Variants in CLEC19A observed in about 807,000 individuals in gnomAD.
CLEC19A encodes the protein C-type lectin domain containing 19A, also known as C-type lectin domain family 19 member A.
Under a neutral mutation model 26.1 loss-of-function variants are expected in CLEC19A, and 21 were observed. The ratio of observed to expected loss-of-function variants is 0.80; its 90% CI spans 0.57 to 1.16. The LOEUF (loss-of-function observed/expected upper bound fraction) is 1.16, where lower values mean the gene tolerates loss of function less well. Among genes scored for constraint, CLEC19A ranks in the 50% most tolerant of loss-of-function variants. The pLI, the probability that CLEC19A is intolerant of heterozygous loss-of-function variation, is 0.00. For synonymous variants in CLEC19A, 89 were observed against 88.6 expected, an observed-to-expected ratio of 1.00 and a Z score of -0.03; for missense variants, 224 against 227.6, an observed-to-expected ratio of 0.98 and a Z score of 0.10.
chr16:19,295,216 G>GTTT (rs1464140589), intron 1 of CLEC19A, among the ~76,000 whole-genome samples: 1 of 152,026 alleles, frequency 6.6e-6, no homozygotes, highest in Non-Finnish European at 1.5e-5. Flanking sequence ...TGTTGTTGTT[G>GTTT]TTGTTTTGAG....
In CLEC19A at chr16:19,309,922, G is replaced by A. The variant is rs1359813306; in HGVS notation, c.*839G>A. The A allele has an allele frequency of 6.6e-6, 1 of 152,058 alleles. No homozygotes were observed. Among genetic ancestry groups the A allele is most frequent in the East Asian group, 1.9e-4 (1 of 5,166 alleles). The allele number at this position is 152,058 out of a possible 1,614,324, so 9.4% of individuals were successfully genotyped here. ...GCCTCCCAAAGTACTGGGATTACAG[G>A]CATGAGCCACTGCGCCTAGCCAAGA... is the stretch of plus-strand genomic sequence containing the variant. On this transcript the variant is annotated 3_prime_UTR_variant, in exon 5 of 5. Transcript: ENST00000636231.
At chr16:19,301,772 T>C (rs1260307018) in intron 2 of CLEC19A, among the ~76,000 whole-genome samples, 1 of 138,766 alleles carries the variant, frequency 7.2e-6, no homozygotes, top group African/African-American at 2.7e-5. Context: ...TTTGTATTTT[T>C]AGCAGAGACG....
rs115518912 is a variant in CLEC19A, at chr16:19,285,951, G to A, written c.88+12G>A. ...CAGTATCAGTCCAGGTAAGTGCAGG[G>A]ACCAGGGCTGGGAGCAGGTGGAGAG... On this transcript the variant is annotated intron_variant, in intron 1 of 4. Coordinates refer to ENST00000636231, the MANE Select transcript of CLEC19A (RefSeq NM_001256720.2). 3,154 of 1,549,786 alleles carry A rather than the reference G, an allele frequency of 2.0e-3. 55 individuals carry two copies. The African/African-American group carries it at 0.037, about 18-fold the overall frequency.
At chr16:19,302,170 C>T (rs1032016454) in intron 2 of CLEC19A, among the ~76,000 whole-genome samples, 1 of 152,048 alleles carries the variant, frequency 6.6e-6, no homozygotes, top group African/African-American at 2.4e-5. Context: ...TCTGCAGTGA[C>T]TGGCTGGAGC....
At chr16:19,286,685 T>C (rs2143008144) in intron 1 of CLEC19A, among the ~76,000 whole-genome samples, 1 of 152,364 alleles carries the variant, frequency 6.6e-6, no homozygotes, top group East Asian at 1.9e-4. Flanking sequence ...GAGTCTTGAC[T>C]GTCACCTCTA....
At chr16:19,296,440 C>T (rs748103338) in intron 1 of CLEC19A, among the ~76,000 whole-genome samples, 2 of 152,208 alleles carry the variant, frequency 1.3e-5, no homozygotes, top group Admixed American at 6.5e-5. Flanking sequence ...CATTAATAGC[C>T]GTACATTACA....
Position 19,298,878 on chromosome 16 carries a change from C to A in CLEC19A, c.254+40C>A, listed in dbSNP as rs1356086368. 6 of 1,512,274 alleles carry A rather than the reference C, an allele frequency of 4.0e-6. No individual in the cohort carries two copies. The South Asian group carries it at 6.3e-5, about 16-fold the overall frequency. 93.7% of individuals were successfully genotyped at this position (1,512,274 alleles called of 1,614,324 possible). On this transcript the variant is annotated intron_variant, in intron 2 of 4. Transcript: ENST00000636231. ...CAGTGCCCCATAGTTCAACTAAGCA[C>A]CCCCTTGGGAAATGGGGTGGAGAAT...
intron 4 of CLEC19A, 87 bp downstream of exon 4, chr16:19,307,764 G>GGAGC: frequency 6.6e-7 from 1 of 1,505,274 alleles, no homozygotes; most frequent in East Asian, 2.5e-5. Context: ...TGGGGGAAGA[G>GGAGC]GAGCACCTGA....
At chr16:19,292,488 C>G (rs1172123938) in intron 1 of CLEC19A, among the ~76,000 whole-genome samples, 1 of 152,200 alleles carries the variant, frequency 6.6e-6, no homozygotes, top group Non-Finnish European at 1.5e-5. Context: ...AGCCTTCTCA[C>G]CATTTTCCCA....
intron 3 of CLEC19A, among the ~76,000 whole-genome samples, chr16:19,306,223 G>A (rs1291563409): frequency 2.7e-5 from 4 of 149,638 alleles, no homozygotes; most frequent in South Asian, 2.1e-4. Flanking sequence ...ACAGCTCACC[G>A]CAACCTTGAA....
chr16:19,286,773 T>A (rs1179062270), intron 1 of CLEC19A, among the ~76,000 whole-genome samples: 3 of 152,110 alleles, frequency 2.0e-5, no homozygotes, highest in Non-Finnish European at 4.4e-5. Context: ...CATTTTTAAA[T>A]CCCCGTTCAA....
intron 2 of CLEC19A, among the ~76,000 whole-genome samples, chr16:19,300,114 C>T (rs954736030): frequency 6.6e-6 from 1 of 152,010 alleles, no homozygotes; most frequent in Non-Finnish European, 1.5e-5. Flanking sequence ...ATCCCAGCTA[C>T]TCGGGAGGCT....
chr16:19,288,909 C>T (rs1897526023), intron 1 of CLEC19A, among the ~76,000 whole-genome samples: 1 of 152,178 alleles, frequency 6.6e-6, no homozygotes, highest in African/African-American at 2.4e-5. Flanking sequence ...CTTCCTCACC[C>T]ATCCAAGAGC....
At chr16:19,296,542 C>A (rs1417995594) in intron 1 of CLEC19A, among the ~76,000 whole-genome samples, 1 of 152,136 alleles carries the variant, frequency 6.6e-6, no homozygotes, top group African/African-American at 2.4e-5. Flanking sequence ...AGACTGTGAA[C>A]TATTCTTAGA....
At chr16:19,302,629 G>T (rs1441858944) in intron 2 of CLEC19A, among the ~76,000 whole-genome samples, 1 of 152,178 alleles carries the variant, frequency 6.6e-6, no homozygotes, top group Admixed American at 6.5e-5. Context: ...GCCAATAGTG[G>T]GAATCATTTT....
At chr16:19,296,422 G>A (rs1456124897) in intron 1 of CLEC19A, among the ~76,000 whole-genome samples, 1 of 152,118 alleles carries the variant, frequency 6.6e-6, no homozygotes, top group East Asian at 1.9e-4. Flanking sequence ...ATAAAACCCT[G>A]AGCTAATCAT....
At chr16:19,293,356 A>G (rs376570037) in intron 1 of CLEC19A, among the ~76,000 whole-genome samples, 21 of 152,146 alleles carry the variant, frequency 1.4e-4, no homozygotes, top group Non-Finnish European at 2.6e-4. Flanking sequence ...TGTTGTAGCC[A>G]TGTTCATTTC....
intron 1 of CLEC19A, 145 bp downstream of exon 1, chr16:19,286,084 G>A (rs113423196): frequency 1.3e-6 from 1 of 751,082 alleles, no homozygotes; most frequent in Non-Finnish European, 2.2e-6. Context: ...TACCAGCTTT[G>A]TCATGGGCAC....
chr16:19,289,734 G>A (rs77424963), intron 1 of CLEC19A, among the ~76,000 whole-genome samples: 2,554 of 152,338 alleles, frequency 0.017, 64 homozygotes, highest in African/African-American at 0.058. Flanking sequence ...TGTGGCCTCA[G>A]GAGTGGCTCA....
Sources: gnomAD v4.1 joint callset for allele counts (sites outside exome capture counted in the v4.1 genomes callset) on GRCh38, gnomAD v4.1.1 for gene constraint, MANE v1.5 for transcripts, NCBI Gene and HGNC (gene_info 2026-07-23, HGNC 2026-07-21) for gene names.